Variants in TNR observed in about 807,000 individuals in gnomAD.
The protein encoded by TNR is tenascin-R.
TNR carries 45 observed loss-of-function variants against 150.4 expected under a neutral mutation model. The observed-to-expected ratio is 0.30, with a 90% CI of 0.24 to 0.38. TNR has a LOEUF of 0.38. Ranked by LOEUF, TNR falls within the 10% of genes least tolerant of loss-of-function variation. The pLI is 1.00. For synonymous variants in TNR, 687 were observed against 678.4 expected, an observed-to-expected ratio of 1.01 and a Z score of -0.20; for missense variants, 1,544 against 1,759.1, an observed-to-expected ratio of 0.88 and a Z score of 2.19.
chr1:175,360,551 T>C (rs189833472), intron 14 of TNR, among the ~76,000 whole-genome samples: 39 of 152,324 alleles, frequency 2.6e-4, no homozygotes, highest in Non-Finnish European at 2.4e-4. Flanking sequence ...TTATCACAAG[T>C]GGATGTTATT....
chr1:175,344,100 T>A (rs1031359860), intron 18 of TNR, among the ~76,000 whole-genome samples: 14 of 152,204 alleles, frequency 9.2e-5, no homozygotes, highest in African/African-American at 3.1e-4. Flanking sequence ...TTACAAAGTT[T>A]CCTGGGTTTT....
intron 1 of TNR, among the ~76,000 whole-genome samples, chr1:175,564,086 G>A (rs116608810): frequency 0.01 from 1,598 of 152,316 alleles, 25 homozygotes; most frequent in African/African-American, 0.036. Flanking sequence ...ATAATTATTA[G>A]CTTTAAAAGT....
In TNR at chr1:175,448,295, G is replaced by A. The variant is rs1399737790; in HGVS notation, c.-63-41518C>T. Among the ~76,000 whole-genome samples, 6 of 152,242 alleles carry A rather than the reference G, an allele frequency of 3.9e-5. No individual in the cohort carries two copies. The South Asian group carries it at 1.2e-3, about 32-fold the overall frequency. Reference sequence around the variant, plus strand: ...TGCAGTGGTGCAATCTTGGCTCACTGCAACCTCCACCTCCCAGGTTCAAGT... The same window carrying A: ...TGCAGTGGTGCAATCTTGGCTCACTACAACCTCCACCTCCCAGGTTCAAGT... On this transcript the variant is annotated intron_variant, in intron 2 of 22. Transcript: ENST00000367674.
At chr1:175,514,791 C>T (rs1659333101) in intron 2 of TNR, among the ~76,000 whole-genome samples, 2 of 152,252 alleles carry the variant, frequency 1.3e-5, no homozygotes, top group Non-Finnish European at 2.9e-5. Context: ...ATGATAAATG[C>T]CAGGCGACCA....
At chr1:175,640,541 C>A (rs982992860) in intron 1 of TNR, among the ~76,000 whole-genome samples, 2 of 152,122 alleles carry the variant, frequency 1.3e-5, no homozygotes, top group Non-Finnish European at 2.9e-5. Flanking sequence ...CTACCTACTT[C>A]AAAAGATTTT....
chr1:175,398,751 C>T lies in TNR; in HGVS notation c.977-1944G>A, dbSNP rs75241896. 4.0e-3 allele frequency among the ~76,000 whole-genome samples: 610 copies of T among 152,324 alleles called. 6 individuals carry two copies. The highest frequency in any genetic ancestry group is 0.014 in the African/African-American group (595 of 41,560). On this transcript the variant is annotated intron_variant, in intron 4 of 22. Coordinates refer to ENST00000367674, the MANE Select transcript of TNR (RefSeq NM_003285.3). ...TAGGATTAGAATGCAGGCAGAATGA[C>T]TATAAACCTTCTTAGCCAATATACA...
At chr1:175,685,185 T>C (rs1298168964) in intron 1 of TNR, among the ~76,000 whole-genome samples, 1 of 152,220 alleles carries the variant, frequency 6.6e-6, no homozygotes, top group Admixed American at 6.5e-5. Context: ...CTGAGATCTT[T>C]TCACCTTTTT....
At chr1:175,516,688 T>C (rs1183132073) in intron 2 of TNR, among the ~76,000 whole-genome samples, 1 of 152,170 alleles carries the variant, frequency 6.6e-6, no homozygotes, top group Non-Finnish European at 1.5e-5. Context: ...ACTATGGCAG[T>C]ATGCTAGGAT....
chr1:175,564,911 G>C (rs1290128277), intron 1 of TNR, among the ~76,000 whole-genome samples: 1 of 152,140 alleles, frequency 6.6e-6, no homozygotes, highest in African/African-American at 2.4e-5. Context: ...CTGCACCCTT[G>C]CCCTTTCCTT....
intron 1 of TNR, among the ~76,000 whole-genome samples, chr1:175,625,448 T>C (rs1438338498): frequency 6.6e-6 from 1 of 152,186 alleles, no homozygotes; most frequent in African/African-American, 2.4e-5. Flanking sequence ...TCTGGGGAAA[T>C]GTGCTTTTTT....
intron 4 of TNR, among the ~76,000 whole-genome samples, chr1:175,401,697 C>T (rs1393974146): frequency 2.0e-5 from 3 of 152,088 alleles, no homozygotes; most frequent in African/African-American, 4.8e-5. Context: ...GGGAACATTG[C>T]CTGCCACGTA....
chr1:175,501,508 G>A (rs557334755), intron 2 of TNR, among the ~76,000 whole-genome samples: 2 of 152,304 alleles, frequency 1.3e-5, no homozygotes, highest in Admixed American at 1.3e-4. Context: ...AGCCTTGTGA[G>A]GCCTGGGCAG....
chr1:175,556,401 C>T (rs538632451), intron 1 of TNR, among the ~76,000 whole-genome samples: 1 of 152,348 alleles, frequency 6.6e-6, no homozygotes, highest in African/African-American at 2.4e-5. Context: ...CTGATTTTAG[C>T]ATGCATCTTT....
intron 1 of TNR, among the ~76,000 whole-genome samples, chr1:175,701,324 T>G (rs1258279689): frequency 2.0e-5 from 3 of 152,102 alleles, no homozygotes; most frequent in African/African-American, 7.2e-5. Flanking sequence ...ACCCACCACT[T>G]CTTCTCATGG....
intron 1 of TNR, among the ~76,000 whole-genome samples, chr1:175,558,381 G>A (rs1485162770): frequency 2.0e-5 from 3 of 151,902 alleles, no homozygotes; most frequent in African/African-American, 7.3e-5. Context: ...ACTCCATAAT[G>A]TATATGCTTC....
chr1:175,341,213 G>A (rs1328470541), intron 18 of TNR, among the ~76,000 whole-genome samples: 1 of 152,072 alleles, frequency 6.6e-6, no homozygotes, highest in Non-Finnish European at 1.5e-5. Context: ...TCAGAAACTC[G>A]CCTCTGACCC....
chr1:175,370,660 A>T (rs1652063067), intron 9 of TNR, among the ~76,000 whole-genome samples: 1 of 152,126 alleles, frequency 6.6e-6, no homozygotes, highest in African/African-American at 2.4e-5. Flanking sequence ...TGCAGAAATG[A>T]GATTACCTTT....
intron 1 of TNR, among the ~76,000 whole-genome samples, chr1:175,740,441 A>C (rs537837677): frequency 1.3e-5 from 2 of 151,990 alleles, no homozygotes; most frequent in Admixed American, 6.5e-5. Flanking sequence ...TTTTCAACAA[A>C]AAAAAAGTAA....
chr1:175,396,765 C>T lies in TNR; in HGVS notation c.1019G>A (p.Arg340Lys), dbSNP rs1482415662. 1 of 1,614,112 alleles carries T rather than the reference C, an allele frequency of 6.2e-7. No homozygotes were observed. Among genetic ancestry groups the T allele is most frequent in the Non-Finnish European group, 8.5e-7 (1 of 1,179,978 alleles). Residue 340 changes from arginine (R) to lysine (K), a missense_variant, in exon 5 of 23, where the codon AGG becomes AAG. Physicochemically the swap from Arg to Lys is conservative, Grantham distance 26. Around this residue, in one of 2 missense-constraint regions of TNR, gnomAD observed 1,254 missense variants for 1,329.4 expected, o/e 0.94. Transcript: ENST00000367674. ...CCCGTCCCATTCCAGCTCAATGGAC[C>T]TGTCGCTGATACCAGCCACTCGCAA... is the stretch of plus-strand genomic sequence containing the variant. ...EDLRVAGISD[R>K]SIELEWDGPM...
Sources: allele counts gnomAD v4.1 joint callset (sites outside exome capture counted in the v4.1 genomes callset), GRCh38; gene constraint gnomAD v4.1.1; regional missense constraint gnomAD v4.1.1; transcripts MANE v1.5; gene names NCBI Gene and HGNC (gene_info 2026-07-23, HGNC 2026-07-21).